The following SESTD1 variants were observed in gnomAD, a reference collection of about 807,000 sequenced individuals.
SESTD1 encodes SEC14 domain and spectrin repeat-containing protein 1.
In SESTD1, 43 loss-of-function variants were observed where a neutral mutation model predicts 101.7. The ratio of observed to expected loss-of-function variants is 0.42; its 90% confidence interval spans 0.33 to 0.55. The LOEUF is 0.55. Among genes scored for constraint, SESTD1 ranks in the 20% least tolerant of loss-of-function variants. SESTD1 has a pLI of 0.07. For synonymous variants in SESTD1, 283 were observed against 286.8 expected (o/e 0.99, Z 0.13); for missense variants, 647 against 815.1 (o/e 0.79, Z 2.51).
chr2:179,116,727 C>A lies in SESTD1; in HGVS notation c.1588G>T (p.Asp530Tyr). Residue 530 changes from aspartate to tyrosine, a missense_variant, in exon 15 of 18, where the codon GAT becomes TAT. Asp to Tyr is a radical substitution (Grantham distance 160). Around this residue, in one of 3 missense-constraint regions of SESTD1, gnomAD observed 476 missense variants for 562.6 expected, o/e 0.85. Coordinates refer to ENST00000428443, the MANE Select transcript of SESTD1 (RefSeq NM_178123.5). Reference protein sequence around the residue: ...LLKTHIRLGDDAQETKVLLEK... With the variant: ...LLKTHIRLGDYAQETKVLLEK... The stretch of plus-strand genomic sequence containing the variant: ...AGCAAAACTTTCGTTTCTTGAGCAT[C>A]ATCGCCCAATCTGATGTGAGTCTTA... 1.2e-6 allele frequency: 2 copies of A among 1,614,150 alleles called. No homozygotes were observed. Among genetic ancestry groups the A allele is most frequent in the Non-Finnish European group, 1.7e-6 (2 of 1,180,014 alleles).
intron 6 of SESTD1, 44 bp downstream of exon 6, chr2:179,151,233 CT>C: frequency 8.0e-7 from 1 of 1,248,296 alleles, no homozygotes; most frequent in South Asian, 1.7e-5. Flanking sequence ...CAAAATATAT[CT>C]TATTTCTATG....
chr2:179,159,241 T>G (rs2045688269), intron 5 of SESTD1, among the ~76,000 whole-genome samples: 1 of 152,148 alleles, frequency 6.6e-6, no homozygotes, highest in Non-Finnish European at 1.5e-5. Flanking sequence ...ACACTCTGTT[T>G]ACAAAGGTGA....
intron 1 of SESTD1, among the ~76,000 whole-genome samples, chr2:179,232,443 T>A (rs368489839): frequency 6.6e-6 from 1 of 152,018 alleles, no homozygotes; most frequent in Non-Finnish European, 1.5e-5. Context: ...ATCCTGGAAT[T>A]TTTTTAAGTA....
At chr2:179,239,147 CAA>C (rs2047112272) in intron 1 of SESTD1, among the ~76,000 whole-genome samples, 1 of 152,078 alleles carries the variant, frequency 6.6e-6, no homozygotes, top group Non-Finnish European at 1.5e-5. Context: ...ATTAATTCAA[CAA>C]AAGTCTACAG....
intron 1 of SESTD1, among the ~76,000 whole-genome samples, chr2:179,249,353 T>C (rs1028639172): frequency 1.3e-5 from 2 of 152,084 alleles, no homozygotes; most frequent in Admixed American, 6.5e-5. Context: ...AAAACCCTAT[T>C]GTATTTCTAC....
At chr2:179,135,685 G>A (rs1223324353) in intron 9 of SESTD1, among the ~76,000 whole-genome samples, 2 of 152,116 alleles carry the variant, frequency 1.3e-5, no homozygotes, top group Non-Finnish European at 2.9e-5. Flanking sequence ...CCTGGGAGGC[G>A]GAGGTTGCAG....
rs150609829 is a variant in SESTD1, at chr2:179,112,918, C to A, written c.1840-73G>T. On this transcript the variant is annotated intron_variant, in intron 16 of 17. Transcript: ENST00000428443. Reference sequence around the variant, plus strand: ...TGCAGTTTCAGAGGATCACCCCACCCCACAAAAAAAAAGAGAGAAAAGAAA... The same window carrying A: ...TGCAGTTTCAGAGGATCACCCCACCACACAAAAAAAAAGAGAGAAAAGAAA... 1,615 of 1,479,164 alleles carry A rather than the reference C, an allele frequency of 1.1e-3. 2 individuals carry two copies. Among genetic ancestry groups the A allele is most frequent in the Non-Finnish European group, 1.3e-3 (1,456 of 1,117,898 alleles). The allele number at this position is 1,479,164 out of a possible 1,614,324, so 91.6% of individuals were successfully genotyped here.
At chr2:179,256,072 C>A (rs183983394) in intron 1 of SESTD1, among the ~76,000 whole-genome samples, 34 of 152,168 alleles carry the variant, frequency 2.2e-4, no homozygotes, top group Admixed American at 2.2e-3. Context: ...TGGCAATGCA[C>A]CTGGTCATCC....
intron 4 of SESTD1, among the ~76,000 whole-genome samples, chr2:179,172,987 A>G (rs1429808863): frequency 1.3e-5 from 2 of 152,172 alleles, no homozygotes; most frequent in South Asian, 4.1e-4. Context: ...ATGAAATTCA[A>G]ATCTCTTACC....
intron 5 of SESTD1, among the ~76,000 whole-genome samples, chr2:179,160,313 A>G (rs2045710891): frequency 6.6e-6 from 1 of 152,202 alleles, no homozygotes; most frequent in Non-Finnish European, 1.5e-5. Flanking sequence ...AAACGAAGAA[A>G]CAATGACACA....
chr2:179,125,479 C>T (rs62175448), intron 10 of SESTD1, among the ~76,000 whole-genome samples: 9,691 of 152,162 alleles, frequency 0.064, 346 homozygotes, highest in South Asian at 0.13. Flanking sequence ...CCAGAGTAGC[C>T]GAACATGGGT....
At chr2:179,164,037 T>G (rs1029910696) in intron 5 of SESTD1, among the ~76,000 whole-genome samples, 2 of 152,206 alleles carry the variant, frequency 1.3e-5, no homozygotes, top group African/African-American at 4.8e-5. Context: ...AGAATGTGCG[T>G]GCAAGATCCA....
At chr2:179,254,378 T>G (rs903289264) in intron 1 of SESTD1, among the ~76,000 whole-genome samples, 1 of 152,178 alleles carries the variant, frequency 6.6e-6, no homozygotes, top group Non-Finnish European at 1.5e-5. Flanking sequence ...TTATTCTAGC[T>G]GAACCAATCT....
At chr2:179,188,069 G>C (rs1215418750) in intron 2 of SESTD1, among the ~76,000 whole-genome samples, 1 of 152,038 alleles carries the variant, frequency 6.6e-6, no homozygotes, top group Admixed American at 6.6e-5. Context: ...TTTGACACTT[G>C]ACCAACTGGA....
intron 2 of SESTD1, among the ~76,000 whole-genome samples, chr2:179,187,257 C>T (rs986186827): frequency 1.3e-5 from 2 of 152,156 alleles, no homozygotes; most frequent in East Asian, 1.9e-4. Flanking sequence ...TATAACCTCA[C>T]ATATCAATAT....
chr2:179,143,459 T>C, intron 9 of SESTD1, 133 bp downstream of exon 9: 2 of 657,112 alleles, frequency 3.0e-6, no homozygotes, highest in Non-Finnish European at 4.9e-6. Flanking sequence ...AATACATAAT[T>C]TAAAAGTTTT....
At chr2:179,236,805 T>C (rs919605905) in intron 1 of SESTD1, among the ~76,000 whole-genome samples, 1 of 151,394 alleles carries the variant, frequency 6.6e-6, no homozygotes, top group Admixed American at 6.6e-5. Flanking sequence ...CCAGAACACT[T>C]TGTGGTTCAC....
At chr2:179,229,749 T>TTA (rs71023472) in intron 1 of SESTD1, among the ~76,000 whole-genome samples, 15,205 of 106,162 alleles carry the variant, frequency 0.14, 1,300 homozygotes, top group Middle Eastern at 0.24. Flanking sequence ...TTGTAAGAAC[T>TTA]TATATATATA....
chr2:179,134,191 A>C (rs1042755768), intron 9 of SESTD1, among the ~76,000 whole-genome samples: 2 of 151,956 alleles, frequency 1.3e-5, no homozygotes, highest in African/African-American at 2.4e-5. Context: ...CCTTCCATTA[A>C]TTTTTCACCT....
Sources: allele counts gnomAD v4.1 joint callset (sites outside exome capture counted in the v4.1 genomes callset), GRCh38; gene constraint gnomAD v4.1.1; regional missense constraint gnomAD v4.1.1; transcripts MANE v1.5; gene names NCBI Gene and HGNC (gene_info 2026-07-23, HGNC 2026-07-21).